PORCN: variants seen among roughly 807,000 people sequenced by gnomAD.
PORCN encodes the protein protein-serine O-palmitoleoyltransferase porcupine.
Under a neutral mutation model 43.0 loss-of-function variants are expected in PORCN, and 1 was observed. The observed-to-expected ratio is 0.02, with a 90% CI of 0.01 to 0.11. PORCN has a LOEUF of 0.11. PORCN is among the 10% of genes least tolerant of loss of function. The probability of loss-of-function intolerance (pLI) is 1.00; values close to 1 mark genes in which losing one functional copy is unlikely to be tolerated. For missense variants in PORCN, 240 were observed against 392.1 expected (o/e 0.61, Z 3.28); for synonymous variants, 148 against 166.4 (o/e 0.89, Z 0.85).
chrX:48,511,582 T>A, intron 3 of PORCN, 95 bp downstream of exon 3: 1 of 797,515 alleles, frequency 1.3e-6, no homozygotes, highest in Non-Finnish European at 1.9e-6. Context: ...GGGAGGGTGG[T>A]GAGATTCCCC....
At chrX:48,514,190 A>G in intron 8 of PORCN, 49 bp downstream of exon 8, 3 of 1,211,976 alleles carry the variant, frequency 2.5e-6, no homozygotes, top group Middle Eastern at 4.6e-4. Flanking sequence ...GTGGGGTATC[A>G]TGTTGGGACC....
Position 48,520,464 on chromosome X carries a change from T to A in PORCN, c.1374T>A (p.Arg458=). ...WVTFGCWIFY[R]LIG ...CTTTTGGATGCTGGATCTTCTACCG[T>A]CTCATAGGCTGAGGCACATCTGTGG... is the stretch of plus-strand genomic sequence containing the variant. The change falls in exon 15 of 15, where the codon CGT becomes CGA. Residue 458 remains arginine, a synonymous_variant. Transcript: ENST00000326194. 1 of 1,201,727 alleles carries A rather than the reference T, an allele frequency of 8.3e-7. No homozygotes were observed. The highest frequency in any genetic ancestry group is 1.1e-6 in the Non-Finnish European group (1 of 886,628).
At chrX:48,517,345 G>C (rs782409931) in intron 14 of PORCN, 52 bp downstream of exon 14, 22 of 890,014 alleles carry the variant, frequency 2.5e-5, no homozygotes, top group Non-Finnish European at 3.2e-5. Context: ...GCTATCTGGC[G>C]GGGGGAAACC....
At chrX:48,517,342 G>A (rs782643117) in intron 14 of PORCN, 49 bp downstream of exon 14, 1 of 915,412 alleles carries the variant, frequency 1.1e-6, no homozygotes, top group South Asian at 2.1e-5. Context: ...GGCGCTATCT[G>A]GCGGGGGGAA....
chrX:48,514,175 A>G (rs782100368), intron 8 of PORCN, 34 bp downstream of exon 8: 2 of 1,212,005 alleles, frequency 1.7e-6, no homozygotes, highest in South Asian at 1.8e-5. Context: ...GGATGCTGAC[A>G]TGTGGTGGGG....
intron 13 of PORCN, 92 bp from the exon 14 acceptor site, chrX:48,517,091 G>C (rs1013621431): frequency 1.5e-6 from 1 of 667,901 alleles, no homozygotes; most frequent in African/African-American, 2.2e-5. Context: ...AACCCACTGT[G>C]CCCTGTGTGT....
intron 2 of PORCN, 149 bp downstream of exon 2, chrX:48,510,105 C>T: frequency 2.0e-6 from 1 of 504,636 alleles, no homozygotes; most frequent in South Asian, 2.7e-5. Context: ...CCACCACATC[C>T]CACCAGGCCA....
At chrX:48,515,252 C>T (rs1367354387) in intron 10 of PORCN, among the ~76,000 whole-genome samples, 1 of 112,226 alleles carries the variant, frequency 8.9e-6, no homozygotes, top group Non-Finnish European at 1.9e-5. Flanking sequence ...TGGGCTGACT[C>T]GGGTTGCAGC....
chrX:48,511,408 C>G lies in PORCN; in HGVS notation c.250C>G (p.Leu84Val). Residue 84 changes from leucine (L) to valine (V), a missense_variant, in exon 3 of 15, where the codon CTC (leucine) becomes GTC (valine). By Grantham distance (32) the Leu-to-Val change is conservative (BLOSUM62 1). Coordinates refer to ENST00000326194, the MANE Select transcript of PORCN (RefSeq NM_203475.3). The part of the protein sequence containing the change: ...WVVLLSLLCY[L>V]VLFLCRHSSH... Reference sequence around the variant, plus strand: ...CGTGCTGCTCAGCCTCCTGTGCTACCTCGTGCTGTTCCTCTGCCGACATTC... The same window carrying G: ...CGTGCTGCTCAGCCTCCTGTGCTACGTCGTGCTGTTCCTCTGCCGACATTC... 1 of 1,211,444 alleles carries G rather than the reference C, an allele frequency of 8.3e-7. No homozygotes were observed. Among genetic ancestry groups the G allele is most frequent in the Non-Finnish European group, 1.1e-6 (1 of 895,157 alleles).
At position 48,515,838 on chromosome X, in the gene PORCN, G is replaced by A. The variant is rs377453093; in HGVS notation, c.1023+45G>A. 2.0e-5 allele frequency: 24 copies of A among 1,194,571 alleles called. 1 individual carries two copies. The highest frequency in any genetic ancestry group is 5.9e-5 in the East Asian group (2 of 33,650). On this transcript the variant is annotated intron_variant, in intron 11 of 14. Transcript: ENST00000326194. ...ATCAGGGTGGAAGCTGGGTGGGGGC[G>A]GGTGGCAGGGCCTCTTCCTCACTCA...
intron 14 of PORCN, 38 bp downstream of exon 14, chrX:48,517,331 T>TAACC (rs782374205): frequency 1.1e-6 from 1 of 942,771 alleles, no homozygotes; most frequent in East Asian, 3.4e-5. Flanking sequence ...TAACCAAGGG[T>TAACC]GGCGCTATCT....
At chrX:48,513,139 C>A (rs782055413) in intron 7 of PORCN, among the ~76,000 whole-genome samples, 6 of 112,450 alleles carry the variant, frequency 5.3e-5, no homozygotes, top group Non-Finnish European at 1.1e-4. Flanking sequence ...GGTTGGGTGA[C>A]TTTAACCTGT....
intron 13 of PORCN, 60 bp downstream of exon 13, chrX:48,516,206 A>G (rs782577648): frequency 1.0e-5 from 11 of 1,066,385 alleles, no homozygotes; most frequent in African/African-American, 1.9e-5. Flanking sequence ...TGTTCCTTCT[A>G]TCTCTATCTT....
Position 48,516,272 on chromosome X carries a change from C to A in PORCN, c.1173+126C>A, listed in dbSNP as rs2061716800. On this transcript the variant is annotated intron_variant, in intron 13 of 14. Coordinates refer to ENST00000326194, the MANE Select transcript of PORCN (RefSeq NM_203475.3). ...TTTGGTGCCTGAGCCATCCCCATAA[C>A]CTCTCCTCTATTCGCTGGCATCCGT... is the stretch of plus-strand genomic sequence containing the variant. 9.8e-6 allele frequency: 6 copies of A among 612,056 alleles called. No homozygotes were observed. The Admixed American group carries it at 1.6e-4, about 16-fold the overall frequency. 50.4% of individuals were successfully genotyped at this position (612,056 alleles called of 1,213,427 possible).
In PORCN at chrX:48,514,137, G is replaced by A. The variant is rs1556974610; in HGVS notation, c.715G>A (p.Val239Ile). ...NKKRKARGTMVRWLRAYESAV... is the reference protein window; with the variant it reads ...NKKRKARGTMIRWLRAYESAV... ...CCCTGGGGGCCCTAGGGGCACCATG[G>A]TAAGGTGAGTCTACAGAGCGGGGCC... Residue 239 changes from valine (V) to isoleucine (I), a missense_variant, in exon 8 of 15, where the codon GTA becomes ATA. Physicochemically the swap from Val to Ile is conservative, Grantham distance 29. Coordinates refer to ENST00000326194, the MANE Select transcript of PORCN (RefSeq NM_203475.3). The A allele has an allele frequency of 5.0e-6, 6 of 1,211,837 alleles. No individual in the cohort carries two copies. The highest frequency in any genetic ancestry group is 4.5e-6 in the Non-Finnish European group (4 of 895,424).
At position 48,512,866 on chromosome X, in the gene PORCN, G is replaced by A; in HGVS notation, c.704+14G>A. The A allele has an allele frequency of 8.3e-7, 1 of 1,211,995 alleles. No homozygotes were observed. Among genetic ancestry groups the A allele is most frequent in the Non-Finnish European group, 1.1e-6 (1 of 895,255 alleles). On this transcript the variant is annotated intron_variant, in intron 7 of 14. Coordinates refer to ENST00000326194, the MANE Select transcript of PORCN (RefSeq NM_203475.3). ...ACGCAAAGCCAGGTAAATGAGGGCA[G>A]GTGTGAGGGCACGTGGAGTGGGGCT... is the stretch of plus-strand genomic sequence containing the variant.
At chrX:48,509,354 G>T (rs2147113849) in intron 1 of PORCN, 2 of 290,683 alleles carry the variant, frequency 6.9e-6, no homozygotes, top group Non-Finnish European at 1.1e-5. Context: ...CCGTGCCGCC[G>T]CATCCATACA....
rs1458583054 is a variant in PORCN, at chrX:48,516,092, T to C, written c.1119T>C (p.Ser373=). 8.3e-7 allele frequency: 1 copy of C among 1,209,975 alleles called. No individual in the cohort carries two copies. The highest frequency in any genetic ancestry group is 1.1e-6 in the Non-Finnish European group (1 of 895,159). The stretch of plus-strand genomic sequence containing the variant: ...GGAAGCGCCTGGCTCGGATCCTCAG[T>C]GCCTGTGTCTTGTCAAAGCGGTGCC... ...VLRKRLARIL[S]ACVLSKRCPP... is the part of the protein sequence containing the mutation. The change falls in exon 13 of 15, where the codon AGT becomes AGC. Residue 373 remains serine, a synonymous_variant. Transcript: ENST00000326194.
At chrX:48,513,847 T>C (rs1470580664) in intron 7 of PORCN, among the ~76,000 whole-genome samples, 1 of 112,033 alleles carries the variant, frequency 8.9e-6, no homozygotes, top group Non-Finnish European at 1.9e-5. Flanking sequence ...TGTTAGAGGG[T>C]GCAGGTCTGT....
Sources: gnomAD v4.1 joint callset for allele counts (sites outside exome capture counted in the v4.1 genomes callset) on GRCh38, gnomAD v4.1.1 for gene constraint, MANE v1.5 for transcripts, NCBI Gene and HGNC (gene_info 2026-07-23, HGNC 2026-07-21) for gene names.